Variants in ORM1 observed in about 807,000 individuals in gnomAD.
The protein encoded by ORM1 is orosomucoid 1, also known as alpha-1-acid glycoprotein 1.
A neutral mutation model predicts 26.9 loss-of-function variants in ORM1; 13 were observed. That is an observed-to-expected ratio of 0.48 (90% CI 0.31 to 0.77). ORM1 has a LOEUF of 0.77. ORM1 is among the 30% of genes least tolerant of loss of function. ORM1 has a pLI of 0.04. For synonymous variants in ORM1, 76 were observed against 102.2 expected (o/e 0.74, Z 1.55); for missense variants, 189 against 246.8 (o/e 0.77, Z 1.57).
intron 3 of ORM1, 24 bp from the exon 4 acceptor site, chr9:114,324,766 C>T: frequency 6.3e-7 from 1 of 1,587,094 alleles, no homozygotes; most frequent in Non-Finnish European, 8.7e-7. Context: ...ATGTTCTCAC[C>T]CAGAGGCTCC....
intron 4 of ORM1, 69 bp from the exon 5 acceptor site, chr9:114,324,980 C>A (rs1165179481): frequency 4.4e-6 from 7 of 1,583,974 alleles, no homozygotes; most frequent in Non-Finnish European, 6.1e-6. Flanking sequence ...GCCCCTAGAA[C>A]CCCAGCCCTC....
chr9:114,323,790 G>C lies in ORM1; in HGVS notation c.242G>C (p.Arg81Thr), dbSNP rs766337200. 6.2e-7 allele frequency: 1 copy of C among 1,614,072 alleles called. No homozygotes were observed. Among genetic ancestry groups the C allele is most frequent in the Non-Finnish European group, 8.5e-7 (1 of 1,180,002 alleles). Residue 81 changes from arginine to threonine, a missense_variant, in exon 2 of 6, where the codon AGA becomes ACA. Around this residue, in one of 3 missense-constraint regions of ORM1, gnomAD observed 163 missense variants for 157.7 expected, o/e 1.03. Coordinates refer to ENST00000259396, the MANE Select transcript of ORM1 (RefSeq NM_000607.4). ...PNKTEDTIFL[R>T]EYQTRQDQCI... ...AAGACAGAGGACACGATCTTTCTCA[G>C]AGAGTACCAGACCCGGTGAGAGCCC...
In ORM1 at chr9:114,325,077, A is replaced by C. The variant is rs574511425; in HGVS notation, c.465A>C (p.Gln155His). The part of the protein sequence containing the change: ...YADKPETTKE[Q>H]LGEFYEALDC... The stretch of plus-strand genomic sequence containing the variant: ...ACAAGCCAGAGACGACCAAGGAGCA[A>C]CTGGGAGAGTTCTACGAAGCTCTCG... Residue 155 changes from glutamine (Q) to histidine (H), a missense_variant, in exon 5 of 6, where the codon CAA (glutamine) becomes CAC (histidine). Transcript: ENST00000259396. The C allele has an allele frequency of 3.1e-6, 5 of 1,614,020 alleles. No homozygotes were observed. The African/African-American group carries it at 6.7e-5, about 22-fold the overall frequency.
intron 3 of ORM1, 54 bp from the exon 4 acceptor site, chr9:114,324,736 A>G (rs2131724455): frequency 7.0e-7 from 1 of 1,427,108 alleles, no homozygotes; most frequent in Middle Eastern, 1.8e-4. Flanking sequence ...CCTGTAAGAC[A>G]GACACCATTG....
At chr9:114,324,735 C>A in intron 3 of ORM1, 55 bp from the exon 4 acceptor site, 1 of 1,421,424 alleles carries the variant, frequency 7.0e-7, no homozygotes, top group Non-Finnish European at 9.9e-7. Flanking sequence ...ACCTGTAAGA[C>A]AGACACCATT....
At chr9:114,324,564 C>T (rs1334294778) in intron 3 of ORM1, among the ~76,000 whole-genome samples, 2 of 152,174 alleles carry the variant, frequency 1.3e-5, no homozygotes, top group Non-Finnish European at 2.9e-5. Context: ...CGGAGAAAGG[C>T]CCTGACAGCC....
chr9:114,326,235 C>T (rs768434769), intron 5 of ORM1, 57 bp from the exon 6 acceptor site: 1 of 1,594,464 alleles, frequency 6.3e-7, no homozygotes, highest in Non-Finnish European at 8.5e-7. Flanking sequence ...GGAAGACCTC[C>T]CACCCTGTCC....
At chr9:114,323,472 T>C (rs1366310852) in intron 1 of ORM1, 191 bp from the exon 2 acceptor site, 8 of 899,588 alleles carry the variant, frequency 8.9e-6, no homozygotes, top group African/African-American at 1.6e-5. Context: ...GACGGTTCTG[T>C]GCTGGGCCTG....
In ORM1 at chr9:114,323,712, A is replaced by C; in HGVS notation, c.164A>C (p.Tyr55Ser). 6.2e-7 allele frequency: 1 copy of C among 1,614,048 alleles called. No homozygotes were observed. ...YIASAFRNEE[Y>S]NKSVQEIQAT... ...GCATCGGCCTTTCGAAACGAGGAGT[A>C]CAATAAGTCGGTTCAGGAGATCCAA... Residue 55 changes from tyrosine (Y) to serine (S), a missense_variant, in exon 2 of 6, where the codon TAC (tyrosine) becomes TCC (serine). Around this residue, in one of 3 missense-constraint regions of ORM1, gnomAD observed 163 missense variants for 157.7 expected, o/e 1.03. Coordinates refer to ENST00000259396, the MANE Select transcript of ORM1 (RefSeq NM_000607.4).
In ORM1 at chr9:114,324,516, A is replaced by T. The variant is rs371882066; in HGVS notation, c.329-274A>T. Among the ~76,000 whole-genome samples, 13 of 152,328 alleles carry T rather than the reference A, an allele frequency of 8.5e-5. No homozygotes were observed. The East Asian group carries it at 1.7e-3, about 20-fold the overall frequency. On this transcript the variant is annotated intron_variant, in intron 3 of 5. Transcript: ENST00000259396. ...TGAACTGACACCATTTAGCATCCCG[A>T]GCCTCCTCTCTGGGCCTCATTTTCC...
Position 114,324,820 on chromosome 9 carries a change from T to G in ORM1, c.359T>G (p.Leu120Arg). 1 of 1,614,148 alleles carries G rather than the reference T, an allele frequency of 6.2e-7. No individual in the cohort carries two copies. The highest frequency in any genetic ancestry group is 8.5e-7 in the Non-Finnish European group (1 of 1,179,994). Residue 120 changes from leucine (L) to arginine (R), a missense_variant, in exon 4 of 6, where the codon CTG (leucine) becomes CGG (arginine). By Grantham distance (102) the Leu-to-Arg change is moderately radical. Around this residue, in one of 3 missense-constraint regions of ORM1, gnomAD observed 163 missense variants for 157.7 expected, o/e 1.03. Transcript: ENST00000259396. ...VGGQEHFAHL[L>R]ILRDTKTYML... is the part of the protein sequence containing the mutation. ...GGCCAAGAGCATTTCGCTCACTTGC[T>G]GATCCTCAGGGACACCAAGACCTAC...
At chr9:114,326,137 A>G (rs1437050121) in intron 5 of ORM1, among the ~76,000 whole-genome samples, 155 bp from the exon 6 acceptor site, 1 of 150,524 alleles carries the variant, frequency 6.6e-6, no homozygotes, top group African/African-American at 2.5e-5. Context: ...GACTTGCCCA[A>G]GATCACCCAG....
intron 3 of ORM1, 115 bp downstream of exon 3, chr9:114,324,203 C>G: frequency 1.0e-6 from 1 of 962,172 alleles, no homozygotes. Flanking sequence ...TAACCACTAA[C>G]ATTTTTGAGC....
Position 114,325,225 on chromosome 9 carries a change from G to A in ORM1, c.540+73G>A, listed in dbSNP as rs1294535292. On this transcript the variant is annotated intron_variant, in intron 5 of 5. Coordinates refer to ENST00000259396, the MANE Select transcript of ORM1 (RefSeq NM_000607.4). The stretch of plus-strand genomic sequence containing the variant: ...TGGGCAGCCCCAGAGGCCCAGAGCA[G>A]GAGAGCTGCCAGGCAAGGCTGCACA... 2.8e-6 allele frequency: 4 copies of A among 1,446,178 alleles called. 1 individual carries two copies. The African/African-American group carries it at 5.5e-5, about 20-fold the overall frequency. The allele number at this position is 1,446,178 out of a possible 1,614,324, so 89.6% of individuals were successfully genotyped here. A position where few individuals can be genotyped will look rare whatever the true frequency, so the allele number is the denominator to read the frequency against.
chr9:114,325,105 T>C lies in ORM1; in HGVS notation c.493T>C (p.Cys165Arg). ...GGGAGAGTTCTACGAAGCTCTCGAC[T>C]GCTTGCGCATTCCCAAGTCAGATGT... is the stretch of plus-strand genomic sequence containing the variant. ...QLGEFYEALD[C>R]LRIPKSDVVY... Residue 165 changes from cysteine (C) to arginine (R), a missense_variant, in exon 5 of 6, where the codon TGC becomes CGC. Physicochemically the swap from Cys to Arg is radical, Grantham distance 180. Coordinates refer to ENST00000259396, the MANE Select transcript of ORM1 (RefSeq NM_000607.4). The C allele has an allele frequency of 6.2e-7, 1 of 1,614,022 alleles. No homozygotes were observed. Among genetic ancestry groups the C allele is most frequent in the Non-Finnish European group, 8.5e-7 (1 of 1,179,882 alleles).
At position 114,324,102 on chromosome 9, in the gene ORM1, C is replaced by T. The variant is rs764092680; in HGVS notation, c.328+14C>T. 1.9e-5 allele frequency: 31 copies of T among 1,613,216 alleles called. No homozygotes were observed. Among genetic ancestry groups the T allele is most frequent in the Non-Finnish European group, 2.5e-5 (30 of 1,179,254 alleles). ...TCTCCAGATACGGTGAGGGCCAGCC[C>T]TCAGGCAGGAGGGTTCACTGTGGGA... On this transcript the variant is annotated intron_variant, in intron 3 of 5. Transcript: ENST00000259396.
intron 3 of ORM1, among the ~76,000 whole-genome samples, chr9:114,324,381 T>C (rs866616898): frequency 8.5e-4 from 129 of 152,288 alleles, no homozygotes; most frequent in Middle Eastern, 6.8e-3. Context: ...CATGCCCTCT[T>C]TAAGATCCTT....
rs1216514718 is a variant in ORM1 at position 114,325,200 on chromosome 9, T to C, written c.540+48T>C. On this transcript the variant is annotated intron_variant, in intron 5 of 5. Transcript: ENST00000259396. Reference sequence around the variant, plus strand: ...TGCCCACCTTGTCCATGGCCCAACTTGGGCAGCCCCAGAGGCCCAGAGCAG... The same window carrying C: ...TGCCCACCTTGTCCATGGCCCAACTCGGGCAGCCCCAGAGGCCCAGAGCAG... 1.9e-6 allele frequency: 3 copies of C among 1,568,798 alleles called. No individual in the cohort carries two copies. The African/African-American group carries it at 4.0e-5, about 21-fold the overall frequency.
At chr9:114,324,301 C>T (rs1251352477) in intron 3 of ORM1, among the ~76,000 whole-genome samples, 1 of 152,170 alleles carries the variant, frequency 6.6e-6, no homozygotes, top group Non-Finnish European at 1.5e-5. Context: ...AATAGTTTCC[C>T]CAAGGTCACA....
Sources: allele counts gnomAD v4.1 joint callset (sites outside exome capture counted in the v4.1 genomes callset), GRCh38; gene constraint gnomAD v4.1.1; regional missense constraint gnomAD v4.1.1; transcripts MANE v1.5; gene names NCBI Gene and HGNC (gene_info 2026-07-23, HGNC 2026-07-21).